DTNB: variants seen among roughly 807,000 people sequenced by gnomAD.
DTNB encodes the protein dystrobrevin beta, also known as DTN-B.
Under a neutral mutation model 90.7 loss-of-function variants are expected in DTNB, and 63 were observed. The observed-to-expected ratio is 0.69, with a 90% CI of 0.57 to 0.86. DTNB has a LOEUF of 0.86. Among genes scored for constraint, DTNB ranks in the 40% least tolerant of loss-of-function variants. The pLI, the probability that DTNB is intolerant of heterozygous loss-of-function variation, is 0.00. For synonymous variants in DTNB, 277 were observed against 286.7 expected (o/e 0.97, Z 0.34); for missense variants, 744 against 807.1 (o/e 0.92, Z 0.95).
chr2:25,539,580 T>A (rs76408286), intron 8 of DTNB, among the ~76,000 whole-genome samples: 1 of 150,312 alleles, frequency 6.7e-6, no homozygotes, highest in African/African-American at 2.4e-5. Flanking sequence ...GGATTGCCTT[T>A]TTTTTTTTTT....
chr2:25,517,399 A>G (rs1030407163), intron 9 of DTNB, among the ~76,000 whole-genome samples: 3 of 152,230 alleles, frequency 2.0e-5, no homozygotes, highest in Non-Finnish European at 4.4e-5. Context: ...AAAATAATTT[A>G]ACTGTCACAG....
At chr2:25,510,568 T>C (rs1383007914) in intron 9 of DTNB, among the ~76,000 whole-genome samples, 1 of 151,906 alleles carries the variant, frequency 6.6e-6, no homozygotes, top group Non-Finnish European at 1.5e-5. Context: ...AGTACAGTGA[T>C]GCGATCTCGG....
At chr2:25,468,220 G>C (rs1482654086) in intron 10 of DTNB, among the ~76,000 whole-genome samples, 1 of 152,168 alleles carries the variant, frequency 6.6e-6, no homozygotes, top group African/African-American at 2.4e-5. Context: ...GGGATTCATT[G>C]CTATGAAGGT....
At chr2:25,467,299 C>CT (rs11345885) in intron 10 of DTNB, among the ~76,000 whole-genome samples, 1,683 of 120,094 alleles carry the variant, frequency 0.014, 33 homozygotes, top group African/African-American at 0.049. Context: ...TTCTTTCTTT[C>CT]TTTTTTTTTT....
chr2:25,472,382 C>A (rs1273985619), intron 10 of DTNB, among the ~76,000 whole-genome samples: 2 of 152,156 alleles, frequency 1.3e-5, no homozygotes, highest in African/African-American at 4.8e-5. Flanking sequence ...TATGCAGCCA[C>A]CTGCCTGGGG....
chr2:25,631,648 T>C (rs551419091), intron 3 of DTNB, among the ~76,000 whole-genome samples: 2 of 150,906 alleles, frequency 1.3e-5, no homozygotes, highest in African/African-American at 2.4e-5. Flanking sequence ...TCTAACAGAA[T>C]AGTCTCAAAA....
intron 10 of DTNB, among the ~76,000 whole-genome samples, chr2:25,474,383 GAA>G (rs2063374298): frequency 6.6e-6 from 1 of 151,172 alleles, no homozygotes; most frequent in East Asian, 1.9e-4. Context: ...GTTGTTTCCT[GAA>G]ACTATCATTA....
chr2:25,389,562 C>A (rs1448368944), intron 16 of DTNB, among the ~76,000 whole-genome samples: 1 of 152,182 alleles, frequency 6.6e-6, no homozygotes. Context: ...GAGATGTGGG[C>A]TCTGTAGCTC....
chr2:25,626,000 C>T (rs989417982), intron 4 of DTNB, among the ~76,000 whole-genome samples: 1 of 152,136 alleles, frequency 6.6e-6, no homozygotes, highest in African/African-American at 2.4e-5. Context: ...AAAGGAGGCC[C>T]TCCCCACACA....
intron 18 of DTNB, among the ~76,000 whole-genome samples, chr2:25,384,121 C>A (rs188040532): frequency 6.6e-6 from 1 of 152,356 alleles, no homozygotes; most frequent in Admixed American, 6.5e-5. Flanking sequence ...GCGGTCACAT[C>A]GCTCACTTTC....
intron 16 of DTNB, chr2:25,419,262 A>G (rs2048711703): frequency 1.7e-6 from 1 of 586,644 alleles, no homozygotes. Flanking sequence ...CTGGCTAATC[A>G]TGCACACTTC....
chr2:25,572,462 A>T (rs1373147080), intron 8 of DTNB, among the ~76,000 whole-genome samples: 1 of 148,836 alleles, frequency 6.7e-6, no homozygotes, highest in Non-Finnish European at 1.5e-5. Flanking sequence ...GCGAGACTCC[A>T]TCGCCAAAAA....
intron 4 of DTNB, among the ~76,000 whole-genome samples, chr2:25,609,595 CA>C (rs34804799): frequency 0.28 from 30,883 of 109,046 alleles, 5,021 homozygotes; most frequent in Non-Finnish European, 0.37. Flanking sequence ...GAAACTCTTT[CA>C]AAAAAAAAAA....
At chr2:25,606,390 C>T (rs2067113793) in intron 5 of DTNB, among the ~76,000 whole-genome samples, 3 of 152,176 alleles carry the variant, frequency 2.0e-5, no homozygotes, top group Admixed American at 2.0e-4. Flanking sequence ...TCTCCTGCTA[C>T]AGCACTAGCA....
At chr2:25,561,928 T>C (rs951018375) in intron 8 of DTNB, among the ~76,000 whole-genome samples, 3 of 152,212 alleles carry the variant, frequency 2.0e-5, no homozygotes, top group African/African-American at 7.2e-5. Context: ...TCATATGCCA[T>C]AAAATTCACC....
In DTNB at chr2:25,474,524, C is replaced by A. The variant is rs576668321; in HGVS notation, c.1079+8272G>T. Among the ~76,000 whole-genome samples, 3 of 152,202 alleles carry A rather than the reference C, an allele frequency of 2.0e-5. No individual in the cohort carries two copies. In the South Asian group the frequency reaches 6.2e-4, roughly 32 times the overall value. ...TTTTATTCCTTTTCTTAGTTTCCCC[C>A]AACATCTCTATTGTCCTTGGTCTTA... On this transcript the variant is annotated intron_variant, in intron 10 of 20. Transcript: ENST00000406818.
Position 25,517,634 on chromosome 2 carries a change from C to A in DTNB, c.1001+13839G>T, listed in dbSNP as rs569625815. On this transcript the variant is annotated intron_variant, in intron 9 of 20. Transcript: ENST00000406818. ...AAACAATATGAGGGTTCCTCGAATC[C>A]TCAAACAATTAAAAATTGAACATAT... 2.0e-5 allele frequency among the ~76,000 whole-genome samples: 3 copies of A among 152,196 alleles called. No individual in the cohort carries two copies. The East Asian group carries it at 5.8e-4, about 29-fold the overall frequency.
chr2:25,642,705 C>T (rs2078609983), intron 2 of DTNB, among the ~76,000 whole-genome samples: 1 of 152,142 alleles, frequency 6.6e-6, no homozygotes, highest in South Asian at 2.1e-4. Context: ...AGCCACCATG[C>T]CTGGCCTGGA....
chr2:25,401,551 T>A (rs2149649940), intron 16 of DTNB, among the ~76,000 whole-genome samples: 1 of 152,366 alleles, frequency 6.6e-6, no homozygotes, highest in African/African-American at 2.4e-5. Flanking sequence ...TTGGCCATGC[T>A]TGGGTGGCCC....
Sources: allele counts gnomAD v4.1 joint callset (sites outside exome capture counted in the v4.1 genomes callset), GRCh38; gene constraint gnomAD v4.1.1; transcripts MANE v1.5; gene names NCBI Gene and HGNC (gene_info 2026-07-23, HGNC 2026-07-21).